Variants in FAM227B observed in about 807,000 individuals in gnomAD.
FAM227B encodes family with sequence similarity 227 member B.
In FAM227B, 88 loss-of-function variants were observed where a neutral mutation model predicts 73.8. That is an observed-to-expected ratio of 1.19 (90% CI 1.00 to 1.42). The LOEUF (loss-of-function observed/expected upper bound fraction) is 1.42, where lower values mean the gene tolerates loss of function less well. Among genes scored for constraint, FAM227B ranks in the 40% most tolerant of loss-of-function variants. The pLI, the probability that FAM227B is intolerant of heterozygous loss-of-function variation, is 0.00. For synonymous variants in FAM227B, 210 were observed against 190.5 expected (o/e 1.10, Z -0.84); for missense variants, 632 against 590.9 (o/e 1.07, Z -0.72).
intron 10 of FAM227B, among the ~76,000 whole-genome samples, chr15:49,534,581 T>C (rs1347861926): frequency 6.6e-6 from 1 of 151,412 alleles, no homozygotes; most frequent in Non-Finnish European, 1.5e-5. Flanking sequence ...AGATTAATAA[T>C]GAAATTACTG....
intron 12 of FAM227B, among the ~76,000 whole-genome samples, chr15:49,368,284 T>C (rs894495688): frequency 6.6e-6 from 1 of 152,182 alleles, no homozygotes; most frequent in Non-Finnish European, 1.5e-5. Context: ...GAAATGTCAG[T>C]ATAGCAACTA....
At chr15:49,495,326 G>A (rs749020174) in intron 11 of FAM227B, among the ~76,000 whole-genome samples, 68 of 152,264 alleles carry the variant, frequency 4.5e-4, no homozygotes, top group Middle Eastern at 6.8e-3. Flanking sequence ...TCCAAATAAT[G>A]ATGAAATCTA....
chr15:49,589,398 A>G (rs1471947936), intron 4 of FAM227B, among the ~76,000 whole-genome samples: 1 of 152,190 alleles, frequency 6.6e-6, no homozygotes, highest in Non-Finnish European at 1.5e-5. Context: ...AACTGTTTTA[A>G]GGCTTTGTTT....
intron 3 of FAM227B, among the ~76,000 whole-genome samples, chr15:49,599,493 G>C (rs758275068): frequency 6.6e-6 from 1 of 151,900 alleles, no homozygotes; most frequent in Non-Finnish European, 1.5e-5. Flanking sequence ...GGCTTAGTTA[G>C]TTCTGCTTGT....
At chr15:49,612,328 T>A (rs563298181) in intron 2 of FAM227B, among the ~76,000 whole-genome samples, 5 of 152,224 alleles carry the variant, frequency 3.3e-5, no homozygotes, top group African/African-American at 9.6e-5. Context: ...CACCTATGAG[T>A]GAGAACATGC....
chr15:49,468,939 A>G (rs2054498052), intron 11 of FAM227B, among the ~76,000 whole-genome samples: 1 of 152,114 alleles, frequency 6.6e-6, no homozygotes, highest in African/African-American at 2.4e-5. Context: ...GAAAAAGTCA[A>G]TTTTGAATAA....
intron 13 of FAM227B, among the ~76,000 whole-genome samples, chr15:49,357,728 A>T (rs2043420670): frequency 1.3e-5 from 2 of 152,090 alleles, no homozygotes; most frequent in South Asian, 4.2e-4. Context: ...ATCCTCCCTA[A>T]CTCATTTATG....
chr15:49,476,232 G>GTTTTTT, intron 11 of FAM227B, among the ~76,000 whole-genome samples: 739 of 56,728 alleles, frequency 0.013, 50 homozygotes, highest in Non-Finnish European at 0.018. Flanking sequence ...TTTGTTTTTG[G>GTTTTTT]TTTTTTTTTT....
At chr15:49,479,599 G>GTTTTTTTTTTTTTTTTTTTTTTTTTT (rs56097665) in intron 11 of FAM227B, among the ~76,000 whole-genome samples, 1 of 63,292 alleles carries the variant, frequency 1.6e-5, no homozygotes, top group African/African-American at 6.3e-5. Flanking sequence ...TAATACCTCT[G>GTTTTTTTTTTTTTTTTTTTTTTTTTT]TTTTTTTTTT....
At chr15:49,378,427 T>C (rs1190638141) in intron 11 of FAM227B, among the ~76,000 whole-genome samples, 1 of 152,162 alleles carries the variant, frequency 6.6e-6, no homozygotes, top group Admixed American at 6.5e-5. Context: ...ATTATTCCAA[T>C]CTGTGAACAT....
chr15:49,430,859 T>C (rs1447904969), intron 11 of FAM227B, among the ~76,000 whole-genome samples: 1 of 151,862 alleles, frequency 6.6e-6, no homozygotes, highest in African/African-American at 2.4e-5. Context: ...AATTTCAACA[T>C]GAGTTTTGGA....
chr15:49,483,068 CAGAAATA>C (rs2056095043), intron 11 of FAM227B: 1 of 818,704 alleles, frequency 1.2e-6, no homozygotes, highest in Admixed American at 1.7e-5. Context: ...CCGATTAAAA[CAGAAATA>C]AGAACAAATG....
chr15:49,500,973 G>A (rs554466533), intron 11 of FAM227B, among the ~76,000 whole-genome samples: 1 of 152,296 alleles, frequency 6.6e-6, no homozygotes, highest in African/African-American at 2.4e-5. Flanking sequence ...ATGATTGTAA[G>A]CTTCCTAAGG....
chr15:49,412,639 G>A (rs80309419), intron 11 of FAM227B, among the ~76,000 whole-genome samples: 3,787 of 152,070 alleles, frequency 0.025, 116 homozygotes, highest in South Asian at 0.15. Context: ...AACGTCCCAT[G>A]ATATAGTTTG....
intron 3 of FAM227B, among the ~76,000 whole-genome samples, chr15:49,602,087 C>T (rs943725030): frequency 2.6e-5 from 4 of 152,196 alleles, no homozygotes; most frequent in Admixed American, 2.6e-4. Flanking sequence ...CTATTGTGAA[C>T]AGTGCTGCAA....
chr15:49,422,850 C>G (rs2049804103), intron 11 of FAM227B: 1 of 668,868 alleles, frequency 1.5e-6, no homozygotes, highest in Non-Finnish European at 2.5e-6. Flanking sequence ...CAGTTTTGTT[C>G]TAACATTCTG....
chr15:49,462,976 A>G (rs1316855462), intron 11 of FAM227B, among the ~76,000 whole-genome samples: 1 of 152,234 alleles, frequency 6.6e-6, no homozygotes, highest in Non-Finnish European at 1.5e-5. Flanking sequence ...TTCTCTAAAT[A>G]TCAACAATAC....
intron 13 of FAM227B, chr15:49,366,621 G>A: frequency 1.3e-6 from 2 of 1,590,778 alleles, no homozygotes; most frequent in Non-Finnish European, 1.7e-6. Flanking sequence ...GCGGCTGTCA[G>A]CTGGAGCAGG....
chr15:49,364,594 A>C (rs2044798670), intron 13 of FAM227B, among the ~76,000 whole-genome samples: 1 of 152,206 alleles, frequency 6.6e-6, no homozygotes, highest in Admixed American at 6.5e-5. Flanking sequence ...TTTTAAAAAA[A>C]CATACTACAA....
Sources: gnomAD v4.1 joint callset for allele counts (sites outside exome capture counted in the v4.1 genomes callset) on GRCh38, gnomAD v4.1.1 for gene constraint, MANE v1.5 for transcripts, NCBI Gene and HGNC (gene_info 2026-07-23, HGNC 2026-07-21) for gene names.